LRRC38: variants seen among roughly 807,000 people sequenced by gnomAD.
LRRC38 encodes leucine-rich repeat-containing protein 38.
In LRRC38, 5 loss-of-function variants were observed where a neutral mutation model predicts 16.4. That is an observed-to-expected ratio of 0.31 (90% CI 0.16 to 0.64). LRRC38 has a LOEUF of 0.64. LRRC38 is among the 30% of genes least tolerant of loss of function. The probability of loss-of-function intolerance (pLI) is 0.80; values close to 1 mark genes in which losing one functional copy is unlikely to be tolerated. For synonymous variants in LRRC38, 191 were observed against 190.2 expected, an observed-to-expected ratio of 1.00 and a Z score of -0.04; for missense variants, 341 against 401.8, an observed-to-expected ratio of 0.85 and a Z score of 1.29.
intron 1 of LRRC38, among the ~76,000 whole-genome samples, chr1:13,484,377 T>TC (rs1394917395): frequency 6.6e-6 from 1 of 152,138 alleles, no homozygotes; most frequent in Non-Finnish European, 1.5e-5. Flanking sequence ...CTATGTGAGG[T>TC]CCAGCGTTTT....
At chr1:13,476,149 T>C (rs79959055) in intron 1 of LRRC38, 50 bp from the exon 2 acceptor site, 148,290 of 1,534,504 alleles carry the variant, frequency 0.097, 7,584 homozygotes, top group East Asian at 0.13. Context: ...CAGCTCAAGG[T>C]TGCCTAAAAG....
intron 1 of LRRC38, among the ~76,000 whole-genome samples, chr1:13,505,738 C>T (rs12738176): frequency 0.076 from 11,602 of 152,114 alleles, 530 homozygotes; most frequent in South Asian, 0.14. Flanking sequence ...GAAGGCCTCT[C>T]GGAGGAGGTG....
At chr1:13,479,719 G>C (rs940014874) in intron 1 of LRRC38, among the ~76,000 whole-genome samples, 7 of 152,126 alleles carry the variant, frequency 4.6e-5, no homozygotes, top group African/African-American at 1.7e-4. Context: ...GCTCACAAAG[G>C]GCAGAGAAAG....
Position 13,512,980 on chromosome 1 carries a change from G to T in LRRC38, c.614C>A (p.Ala205Glu). 1 of 1,479,224 alleles carries T rather than the reference G, an allele frequency of 6.8e-7. No homozygotes were observed. Among genetic ancestry groups the T allele is most frequent in the Non-Finnish European group, 9.1e-7 (1 of 1,102,204 alleles). The allele number at this position is 1,479,224 out of a possible 1,614,324, so 91.6% of individuals were successfully genotyped here. Reference sequence around the variant, plus strand: ...CGGCTCACCTTTGGGCAGTTTGGATGCGTTCTCCTGGATCCAGGAGAAGAG... The same window carrying T: ...CGGCTCACCTTTGGGCAGTTTGGATTCGTTCTCCTGGATCCAGGAGAAGAG... ...AHLFSWIQEN[A>E]SKLPKGLDEI... Residue 205 changes from alanine (A) to glutamate (E), a missense_variant, in exon 1 of 2, where the codon GCA (alanine) becomes GAA (glutamate). Transcript: ENST00000376085.
chr1:13,490,650 A>G (rs548895943), intron 1 of LRRC38, among the ~76,000 whole-genome samples: 1 of 152,164 alleles, frequency 6.6e-6, no homozygotes, highest in African/African-American at 2.4e-5. Context: ...GCTGAGTACT[A>G]GGGATACTAA....
intron 1 of LRRC38, among the ~76,000 whole-genome samples, chr1:13,476,378 A>G (rs1638790108): frequency 6.6e-6 from 1 of 151,928 alleles, no homozygotes; most frequent in Admixed American, 6.6e-5. Context: ...TCTGTTGCCT[A>G]GGCAACATGG....
At chr1:13,509,047 T>TGCTCCAGAC (rs1266155137) in intron 1 of LRRC38, among the ~76,000 whole-genome samples, 2 of 152,142 alleles carry the variant, frequency 1.3e-5, no homozygotes, top group Non-Finnish European at 2.9e-5. Context: ...AATGCTCAGA[T>TGCTCCAGAC]GCTCCAGACG....
intron 1 of LRRC38, among the ~76,000 whole-genome samples, chr1:13,495,006 C>T (rs12023625): frequency 6.6e-6 from 1 of 152,190 alleles, no homozygotes; most frequent in East Asian, 1.9e-4. Context: ...GGTTCTGAAG[C>T]GGGGAAGCTA....
intron 1 of LRRC38, 76 bp downstream of exon 1, chr1:13,512,887 C>G (rs2990682): frequency 0.32 from 445,463 of 1,381,802 alleles, 78,693 homozygotes; most frequent in East Asian, 0.67. Flanking sequence ...ACGGCTCCTC[C>G]CACCCAGACT....
rs1202423855 is a variant in LRRC38 at position 13,513,576 on chromosome 1, T to G, written c.18A>C (p.Pro6=). The G allele has an allele frequency of 8.4e-7, 1 of 1,192,142 alleles. No individual in the cohort carries two copies. Among genetic ancestry groups the G allele is most frequent in the Non-Finnish European group, 1.0e-6 (1 of 964,122 alleles). The allele number at this position is 1,192,142 out of a possible 1,614,324, so 73.8% of individuals were successfully genotyped here. A position where few individuals can be genotyped will look rare whatever the true frequency, so the allele number is the denominator to read the frequency against. MRPRA[P]ACAAAALGLC... ...GCCCGAGCGCCGCGGCGGCGCAGGC[T>G]GGGGCTCGGGGGCGCATGGCCGGGG... The change falls in exon 1 of 2, where the codon CCA becomes CCC. Residue 6 remains proline, a synonymous_variant. Transcript: ENST00000376085.
At chr1:13,494,517 C>T (rs1298436192) in intron 1 of LRRC38, among the ~76,000 whole-genome samples, 1 of 150,276 alleles carries the variant, frequency 6.7e-6, no homozygotes, top group Admixed American at 6.7e-5. Context: ...ACGTTTTATA[C>T]ATAAGAAAAC....
intron 1 of LRRC38, among the ~76,000 whole-genome samples, chr1:13,480,155 G>A (rs867480713): frequency 3.3e-5 from 5 of 152,154 alleles, no homozygotes; most frequent in South Asian, 2.1e-4. Flanking sequence ...GACCAACCTC[G>A]CCAATATGGC....
intron 1 of LRRC38, among the ~76,000 whole-genome samples, chr1:13,499,011 C>T (rs1281924688): frequency 1.3e-5 from 2 of 152,252 alleles, no homozygotes; most frequent in East Asian, 1.9e-4. Flanking sequence ...TCCCGGTGTG[C>T]GTGTCTGTCC....
At chr1:13,481,495 C>T (rs1470909829) in intron 1 of LRRC38, among the ~76,000 whole-genome samples, 1 of 151,678 alleles carries the variant, frequency 6.6e-6, no homozygotes, top group Non-Finnish European at 1.5e-5. Context: ...GGGTTCACGC[C>T]ATTCTCCTTC....
chr1:13,501,767 T>G (rs373589475), intron 1 of LRRC38, among the ~76,000 whole-genome samples: 8 of 151,220 alleles, frequency 5.3e-5, no homozygotes, highest in African/African-American at 1.7e-4. Context: ...CTCATTTTTG[T>G]TTTTGTTTGT....
At chr1:13,498,545 C>T (rs1336585501) in intron 1 of LRRC38, among the ~76,000 whole-genome samples, 1 of 152,108 alleles carries the variant, frequency 6.6e-6, no homozygotes. Context: ...GCAGGAGAAT[C>T]GCTTGAACCT....
At position 13,485,082 on chromosome 1, in the gene LRRC38, A is replaced by G. The variant is rs182595489; in HGVS notation, c.632-8983T>C. 9.5e-3 allele frequency among the ~76,000 whole-genome samples: 1,421 copies of G among 149,892 alleles called. 26 individuals are homozygous for G. Among genetic ancestry groups the G allele is most frequent in the African/African-American group, 0.034 (1,365 of 40,732 alleles). On this transcript the variant is annotated intron_variant, in intron 1 of 1. Coordinates refer to ENST00000376085, the MANE Select transcript of LRRC38 (RefSeq NM_001010847.2). ...CGCCTGAGGTCAGGAGTTCAAGACC[A>G]TCCTGACCAACATGGAGAAACCCCG...
intron 1 of LRRC38, among the ~76,000 whole-genome samples, chr1:13,494,580 A>T (rs752129101): frequency 6.6e-6 from 1 of 152,150 alleles, no homozygotes; most frequent in Non-Finnish European, 1.5e-5. Flanking sequence ...CTGGTAAATA[A>T]AGGCACTGAA....
chr1:13,489,611 C>T (rs1051852113), intron 1 of LRRC38, among the ~76,000 whole-genome samples: 5 of 152,220 alleles, frequency 3.3e-5, no homozygotes, highest in Middle Eastern at 3.4e-3. Context: ...GTGCTACAGT[C>T]GCTGCTGCAG....
Sources: allele counts gnomAD v4.1 joint callset (sites outside exome capture counted in the v4.1 genomes callset), GRCh38; gene constraint gnomAD v4.1.1; transcripts MANE v1.5; gene names NCBI Gene and HGNC (gene_info 2026-07-23, HGNC 2026-07-21).